HMGCS2: variants seen among roughly 807,000 people sequenced by gnomAD.
HMGCS2 encodes hydroxymethylglutaryl-CoA synthase, mitochondrial.
Under a neutral mutation model 57.4 loss-of-function variants are expected in HMGCS2, and 50 were observed. That is an observed-to-expected ratio of 0.87 (90% CI 0.69 to 1.10). HMGCS2 has a LOEUF of 1.10. Ranked by LOEUF, HMGCS2 falls within the 50% of genes least tolerant of loss-of-function variation. HMGCS2 has a pLI of 0.00. For synonymous variants in HMGCS2, 254 were observed against 245.1 expected, an observed-to-expected ratio of 1.04 and a Z score of -0.34; for missense variants, 627 against 636.5, an observed-to-expected ratio of 0.99 and a Z score of 0.16.
intron 3 of HMGCS2, 61 bp from the exon 4 acceptor site, chr1:119,759,343 G>T: frequency 1.3e-6 from 2 of 1,528,246 alleles, no homozygotes; most frequent in Admixed American, 3.4e-5. Flanking sequence ...GAGCACAAAA[G>T]ATGAGAGAAC....
In HMGCS2 at chr1:119,755,573, G is replaced by GT; in HGVS notation, c.1040dup (p.Tyr347Ter). ...GTGCTTTATCCAGGTCCTTGTTGGT[G>GT]TAGGTGTCTTCCAGCTTTAGCCCCC... is the stretch of plus-strand genomic sequence containing the variant. ...AFGGLKLEDT[Y>*]TNKDLDKALL... Residue 347 changes from tyrosine to a stop codon, truncating the protein, a stop_gained and frameshift_variant, in exon 6 of 10, where the codon TAC (tyrosine) becomes TAAC (stop). Coordinates refer to ENST00000369406, the MANE Select transcript of HMGCS2 (RefSeq NM_005518.4). LOFTEE classifies it high-confidence loss of function. 6.2e-7 allele frequency: 1 copy of GT among 1,614,164 alleles called. No individual in the cohort carries two copies. The highest frequency in any genetic ancestry group is 8.5e-7 in the Non-Finnish European group (1 of 1,180,022).
At chr1:119,749,097 G>A (rs957830967) in intron 9 of HMGCS2, among the ~76,000 whole-genome samples, 3 of 152,168 alleles carry the variant, frequency 2.0e-5, no homozygotes, top group Admixed American at 2.0e-4. Flanking sequence ...AGGCAGGCTA[G>A]GGCGCTGCAG....
At chr1:119,750,693 A>T in intron 9 of HMGCS2, 104 bp downstream of exon 9, 1 of 749,724 alleles carries the variant, frequency 1.3e-6, no homozygotes, top group Non-Finnish European at 2.4e-6. Context: ...CTCTTCCATT[A>T]AACTTTCTTC....
intron 8 of HMGCS2, 105 bp downstream of exon 8, chr1:119,752,442 TAA>T (rs957565733): frequency 1.4e-5 from 18 of 1,251,916 alleles, no homozygotes; most frequent in Non-Finnish European, 2.1e-5. Context: ...CCATATCTCG[TAA>T]AAGTCTTGAC....
At chr1:119,756,481 G>T (rs1652841407) in intron 5 of HMGCS2, among the ~76,000 whole-genome samples, 2 of 152,150 alleles carry the variant, frequency 1.3e-5, no homozygotes, top group Admixed American at 1.3e-4. Context: ...TAGTGGCAGG[G>T]TTAGGAGTAC....
At chr1:119,761,521 T>A (rs112064299) in intron 2 of HMGCS2, among the ~76,000 whole-genome samples, 1 of 151,986 alleles carries the variant, frequency 6.6e-6, no homozygotes, top group African/African-American at 2.4e-5. Context: ...ATCCCAGCGA[T>A]TGGGGAGGCC....
At position 119,755,596 on chromosome 1, in the gene HMGCS2, C is replaced by T; in HGVS notation, c.1018G>A (p.Gly340Arg). ...SLYKGLEAFG[G>R]LKLEDTYTNK... ...GTGTAGGTGTCTTCCAGCTTTAGCC[C>T]CCTGTGAGGTAGCCAGAGGTAGCCA... The change falls in exon 6 of 10, where the codon GGG becomes AGG. Residue 340 changes from glycine (G) to arginine (R), a missense_variant and splice_region_variant. Physicochemically the swap from Gly to Arg is moderately radical, Grantham distance 125. Coordinates refer to ENST00000369406, the MANE Select transcript of HMGCS2 (RefSeq NM_005518.4). 2 of 1,613,980 alleles carry T rather than the reference C, an allele frequency of 1.2e-6. No homozygotes were observed. The highest frequency in any genetic ancestry group is 1.3e-5 in the African/African-American group (1 of 74,998).
At chr1:119,750,707 C>T (rs1652625426) in intron 9 of HMGCS2, 90 bp downstream of exon 9, 1 of 810,098 alleles carries the variant, frequency 1.2e-6, no homozygotes, top group South Asian at 1.4e-5. Flanking sequence ...TTTCTTCTCC[C>T]TGCACCTGTC....
chr1:119,756,880 C>T (rs1652857680), intron 5 of HMGCS2, among the ~76,000 whole-genome samples: 1 of 152,136 alleles, frequency 6.6e-6, no homozygotes, highest in Non-Finnish European at 1.5e-5. Context: ...ACCATGGAGT[C>T]ACATTCATTT....
intron 9 of HMGCS2, 40 bp downstream of exon 9, chr1:119,750,757 T>G: frequency 1.7e-5 from 21 of 1,270,192 alleles, no homozygotes; most frequent in Non-Finnish European, 2.2e-5. Flanking sequence ...GAGGAAGACA[T>G]TAGGGTTTTA....
At chr1:119,761,228 T>A (rs1653026861) in intron 2 of HMGCS2, among the ~76,000 whole-genome samples, 1 of 148,358 alleles carries the variant, frequency 6.7e-6, no homozygotes, top group African/African-American at 2.4e-5. Flanking sequence ...TTTATATACA[T>A]AAAATTAAGG....
intron 6 of HMGCS2, among the ~76,000 whole-genome samples, chr1:119,755,102 C>T (rs1256221534): frequency 6.6e-6 from 1 of 152,136 alleles, no homozygotes; most frequent in African/African-American, 2.4e-5. Context: ...CTGCAACCTT[C>T]CACTCCTGGG....
rs1571029276 is a variant in HMGCS2 at position 119,750,969 on chromosome 1, A to G, written c.1421-61T>C. 6.9e-6 allele frequency: 7 copies of G among 1,020,096 alleles called. 1 individual carries two copies. The East Asian group carries it at 1.5e-4, about 21-fold the overall frequency. The allele number at this position is 1,020,096 out of a possible 1,614,324, so 63.2% of individuals were successfully genotyped here. On this transcript the variant is annotated intron_variant, in intron 8 of 9. Coordinates refer to ENST00000369406, the MANE Select transcript of HMGCS2 (RefSeq NM_005518.4). ...AGTTATATGAGTTTTTGGAAGAGAA[A>G]ATAGTAATGAAGATGTCTGCCCCTT... is the stretch of plus-strand genomic sequence containing the variant.
intron 6 of HMGCS2, among the ~76,000 whole-genome samples, chr1:119,754,368 T>C (rs73000431): frequency 0.02 from 3,095 of 152,074 alleles, 102 homozygotes; most frequent in African/African-American, 0.069. Context: ...TGGCTAATTG[T>C]TTAAAAAAAT....
At chr1:119,759,783 A>T (rs1652974685) in intron 3 of HMGCS2, 81 bp downstream of exon 3, 1 of 1,533,260 alleles carries the variant, frequency 6.5e-7, no homozygotes, top group Non-Finnish European at 9.0e-7. Context: ...AGCCCTGAGT[A>T]GCAGGTGTGC....
intron 4 of HMGCS2, among the ~76,000 whole-genome samples, 162 bp downstream of exon 4, chr1:119,758,956 T>C (rs1652942062): frequency 6.6e-6 from 1 of 152,236 alleles, no homozygotes; most frequent in Non-Finnish European, 1.5e-5. Context: ...TCCAAATGGA[T>C]TTTAGCATAG....
At chr1:119,761,280 G>T (rs28439078) in intron 2 of HMGCS2, among the ~76,000 whole-genome samples, 1 of 149,932 alleles carries the variant, frequency 6.7e-6, no homozygotes, top group Non-Finnish European at 1.5e-5. Context: ...GCACACACAC[G>T]CACACATTTT....
At chr1:119,764,113 G>C in intron 2 of HMGCS2, 59 bp downstream of exon 2, 1 of 1,508,134 alleles carries the variant, frequency 6.6e-7, no homozygotes, top group Non-Finnish European at 9.2e-7. Context: ...AGCAAAACTG[G>C]TAATATTCAG....
At chr1:119,762,659 G>A (rs1307675596) in intron 2 of HMGCS2, among the ~76,000 whole-genome samples, 2 of 152,160 alleles carry the variant, frequency 1.3e-5, no homozygotes, top group Admixed American at 6.5e-5. Flanking sequence ...TGGTCCTGGT[G>A]GTTACTGTCA....
Sources: gnomAD v4.1 joint callset for allele counts (sites outside exome capture counted in the v4.1 genomes callset) on GRCh38, gnomAD v4.1.1 for gene constraint, MANE v1.5 for transcripts, NCBI Gene and HGNC (gene_info 2026-07-23, HGNC 2026-07-21) for gene names.